Variants in NKAIN2 observed in about 807,000 individuals in gnomAD.
The protein encoded by NKAIN2 is sodium/potassium transporting ATPase interacting 2, also known as sodium/potassium-transporting ATPase subunit beta-1-interacting protein 2.
Under a neutral mutation model 32.6 loss-of-function variants are expected in NKAIN2, and 14 were observed. The ratio of observed to expected loss-of-function variants is 0.43; its 90% CI spans 0.28 to 0.67. The LOEUF (loss-of-function observed/expected upper bound fraction) is 0.67. Ranked by LOEUF, NKAIN2 falls within the 30% of genes least tolerant of loss-of-function variation. The pLI, the probability that NKAIN2 is intolerant of heterozygous loss-of-function variation, is 0.17. For synonymous variants in NKAIN2, 80 were observed against 87.2 expected (o/e 0.92, Z 0.46); for missense variants, 198 against 258.3 (o/e 0.77, Z 1.60).
chr6:123,911,807 A>ATATATATGTATATATATATATG (rs1473572416), intron 1 of NKAIN2, among the ~76,000 whole-genome samples: 10 of 103,730 alleles, frequency 9.6e-5, no homozygotes, highest in African/African-American at 3.1e-4. Flanking sequence ...ATATGTATAT[A>ATATATATGTATATATATATATG]TATATACACA....
chr6:123,839,512 G>A (rs1774776737), intron 1 of NKAIN2, among the ~76,000 whole-genome samples: 1 of 151,656 alleles, frequency 6.6e-6, no homozygotes, highest in Admixed American at 6.6e-5. Flanking sequence ...ATTTCGTTTT[G>A]TTTTGTTTCA....
At chr6:123,945,455 T>C (rs1777021449) in intron 1 of NKAIN2, among the ~76,000 whole-genome samples, 2 of 152,072 alleles carry the variant, frequency 1.3e-5, no homozygotes, top group South Asian at 4.1e-4. Flanking sequence ...TTTAAGAAGG[T>C]GAGATCCAGG....
chr6:124,349,772 C>G (rs938706351), intron 2 of NKAIN2, among the ~76,000 whole-genome samples: 2 of 152,188 alleles, frequency 1.3e-5, no homozygotes, highest in African/African-American at 4.8e-5. Context: ...GATTAACAGC[C>G]TTAACTAATT....
chr6:124,702,762 C>A (rs1209903273), intron 4 of NKAIN2, among the ~76,000 whole-genome samples: 3 of 152,020 alleles, frequency 2.0e-5, no homozygotes, highest in Non-Finnish European at 2.9e-5. Flanking sequence ...GCCCTGACAT[C>A]GGTCATTACA....
intron 1 of NKAIN2, among the ~76,000 whole-genome samples, chr6:124,219,582 C>T (rs992240750): frequency 3.3e-5 from 5 of 151,988 alleles, no homozygotes; most frequent in African/African-American, 1.2e-4. Flanking sequence ...CCGGCCAACA[C>T]TTATTGAATA....
intron 3 of NKAIN2, among the ~76,000 whole-genome samples, chr6:124,503,759 GAAC>G (rs1778379396): frequency 6.6e-6 from 1 of 152,062 alleles, no homozygotes; most frequent in African/African-American, 2.4e-5. Context: ...TGCATTCTAA[GAAC>G]AATAGTCTAA....
intron 1 of NKAIN2, among the ~76,000 whole-genome samples, chr6:124,240,390 T>C (rs1793017753): frequency 1.3e-5 from 2 of 152,124 alleles, no homozygotes; most frequent in African/African-American, 2.4e-5. Context: ...CCCTAACTCA[T>C]TTTATGAGGC....
chr6:124,046,889 C>A (rs1045578923), intron 1 of NKAIN2, among the ~76,000 whole-genome samples: 1 of 151,964 alleles, frequency 6.6e-6, no homozygotes, highest in Non-Finnish European at 1.5e-5. Context: ...AATGCAATTT[C>A]TAAATCCAGG....
intron 1 of NKAIN2, among the ~76,000 whole-genome samples, chr6:124,016,507 A>C (rs1780580750): frequency 6.6e-6 from 1 of 152,220 alleles, no homozygotes; most frequent in Non-Finnish European, 1.5e-5. Context: ...GAAGAAGCTA[A>C]AATTTTATTT....
intron 3 of NKAIN2, among the ~76,000 whole-genome samples, chr6:124,465,547 T>A (rs1776712759): frequency 6.6e-6 from 1 of 150,608 alleles, no homozygotes. Flanking sequence ...GGTTGATGGG[T>A]GCAGCAAACC....
chr6:124,632,052 A>C (rs968520006), intron 3 of NKAIN2, among the ~76,000 whole-genome samples: 1 of 152,170 alleles, frequency 6.6e-6, no homozygotes, highest in African/African-American at 2.4e-5. Flanking sequence ...ATAAATTAAA[A>C]TTATATCACA....
chr6:124,453,668 C>T (rs1278073262), intron 3 of NKAIN2, among the ~76,000 whole-genome samples: 3 of 152,056 alleles, frequency 2.0e-5, no homozygotes, highest in Non-Finnish European at 2.9e-5. Flanking sequence ...GCACTGTAAT[C>T]TATTGTGCAA....
intron 4 of NKAIN2, among the ~76,000 whole-genome samples, chr6:124,739,236 G>A (rs1489848743): frequency 6.6e-6 from 1 of 151,750 alleles, no homozygotes; most frequent in African/African-American, 2.4e-5. Flanking sequence ...TCAAGGTTAG[G>A]CCACATTTGT....
At chr6:124,377,107 A>G (rs1800025599) in intron 3 of NKAIN2, among the ~76,000 whole-genome samples, 1 of 152,216 alleles carries the variant, frequency 6.6e-6, no homozygotes. Flanking sequence ...TGCCATCTAG[A>G]TGGAAGACAT....
At chr6:124,538,851 G>A (rs1000021921) in intron 3 of NKAIN2, among the ~76,000 whole-genome samples, 1 of 151,974 alleles carries the variant, frequency 6.6e-6, no homozygotes, top group African/African-American at 2.4e-5. Context: ...TTTATTTAAT[G>A]ATTGTATTTT....
At chr6:124,431,710 T>C (rs1775223884) in intron 3 of NKAIN2, among the ~76,000 whole-genome samples, 1 of 152,166 alleles carries the variant, frequency 6.6e-6, no homozygotes, top group Non-Finnish European at 1.5e-5. Context: ...AAATGGGAGA[T>C]ACTGCCATCT....
chr6:124,498,418 T>A (rs1245422820), intron 3 of NKAIN2, among the ~76,000 whole-genome samples: 1 of 152,072 alleles, frequency 6.6e-6, no homozygotes, highest in Non-Finnish European at 1.5e-5. Context: ...TTAGCAAAAT[T>A]GAGGTGCAGA....
At chr6:124,493,719 A>ACCC (rs1777959547) in intron 3 of NKAIN2, among the ~76,000 whole-genome samples, 1 of 1,588 alleles carries the variant, frequency 6.3e-4, no homozygotes, top group African/African-American at 1.7e-3. Flanking sequence ...CCCCCCTCCA[A>ACCC]AAAAAAAAAA....
chr6:124,433,700 T>C (rs1775313312), intron 3 of NKAIN2, among the ~76,000 whole-genome samples: 1 of 152,094 alleles, frequency 6.6e-6, no homozygotes, highest in East Asian at 1.9e-4. Context: ...GAATCGGCAC[T>C]ATTATTCTAT....
Sources: allele counts gnomAD v4.1 joint callset (sites outside exome capture counted in the v4.1 genomes callset), GRCh38; gene constraint gnomAD v4.1.1; transcripts MANE v1.5; gene names NCBI Gene and HGNC (gene_info 2026-07-23, HGNC 2026-07-21).